SMC4: variants seen among roughly 807,000 people sequenced by gnomAD.
SMC4 encodes the protein structural maintenance of chromosomes 4, also known as structural maintenance of chromosomes protein 4.
In SMC4, 87 loss-of-function variants were observed where a neutral mutation model predicts 145.6. The ratio of observed to expected loss-of-function variants is 0.60; its 90% CI spans 0.50 to 0.71. The LOEUF is 0.71. Ranked by LOEUF, SMC4 falls within the 30% of genes least tolerant of loss-of-function variation. SMC4 has a pLI of 0.00. For synonymous variants in SMC4, 558 were observed against 500.7 expected (o/e 1.11, Z -1.53); for missense variants, 1,447 against 1,537.1 (o/e 0.94, Z 0.98).
chr3:160,402,237 T>TCA lies in SMC4; in HGVS notation c.318+160_318+161dup, dbSNP rs3830324. 2,368 of 435,262 alleles carry TCA rather than the reference T, an allele frequency of 5.4e-3. 5 individuals are homozygous for TCA. Among genetic ancestry groups the TCA allele is most frequent in the East Asian group, 0.024 (623 of 26,136 alleles). The allele number at this position is 435,262 out of a possible 1,614,324, so 27.0% of individuals were successfully genotyped here. On this transcript the variant is annotated intron_variant, in intron 3 of 23. Coordinates refer to ENST00000357388, the MANE Select transcript of SMC4 (RefSeq NM_001002800.3). ...CTGATAGTCTTTCTGTCTCTCTCTCTCACACACACACACACACGTTTCATA... is the reference window on the plus strand; with the variant it reads ...CTGATAGTCTTTCTGTCTCTCTCTCTCACACACACACACACACACGTTTCATA...
chr3:160,432,885 CAG>C (rs1291420205), intron 22 of SMC4, 139 bp from the exon 23 acceptor site: 6 of 630,506 alleles, frequency 9.5e-6, no homozygotes, highest in African/African-American at 7.3e-5. Context: ...TATAAAATAA[CAG>C]AAAAGAGAAT....
intron 10 of SMC4, 182 bp from the exon 11 acceptor site, chr3:160,417,541 T>G: frequency 6.7e-6 from 4 of 594,518 alleles, no homozygotes; most frequent in Non-Finnish European, 1.2e-5. Flanking sequence ...AAAGACTATG[T>G]ACAGTGAATA....
In SMC4 at chr3:160,416,356, T is replaced by A. The variant is rs1379595385; in HGVS notation, c.1378T>A (p.Leu460Ile). The A allele has an allele frequency of 1.7e-5, 27 of 1,597,654 alleles. No homozygotes were observed. Among genetic ancestry groups the A allele is most frequent in the Middle Eastern group, 1.7e-4 (1 of 5,902 alleles). ...GGAAAAAGAGAAAGAAGAAAAAAAA[T>A]TAAAGGAAGTTATGGATAGCCTTAA... Reference protein sequence around the residue: ...EKEKEKEEKKLKEVMDSLKQE... With the variant: ...EKEKEKEEKKIKEVMDSLKQE... The change falls in exon 10 of 24, where the codon TTA becomes ATA. Residue 460 changes from leucine (L) to isoleucine (I), a missense_variant. Transcript: ENST00000357388.
Position 160,419,374 on chromosome 3 carries a change from A to G in SMC4, c.1688A>G (p.Gln563Arg). The change falls in exon 12 of 24, where the codon CAA becomes CGA. Residue 563 changes from glutamine to arginine, a missense_variant. Coordinates refer to ENST00000357388, the MANE Select transcript of SMC4 (RefSeq NM_001002800.3). ...QELKEKEKEL[Q>R]KLTQEETNFK... ...CACTTTTAGAAAGAAAAAGAACTTC[A>G]AAAACTTACACAAGAAGAAACAAAC... The G allele has an allele frequency of 6.3e-7, 1 of 1,588,352 alleles. No individual in the cohort carries two copies. Among genetic ancestry groups the G allele is most frequent in the Non-Finnish European group, 8.5e-7 (1 of 1,173,202 alleles).
intron 13 of SMC4, among the ~76,000 whole-genome samples, chr3:160,421,907 C>T (rs899683090): frequency 6.6e-6 from 1 of 152,178 alleles, no homozygotes; most frequent in African/African-American, 2.4e-5. Context: ...TCACCCCCTC[C>T]GTAACACTAA....
At chr3:160,403,741 A>G (rs1007631758) in intron 4 of SMC4, among the ~76,000 whole-genome samples, 7 of 152,116 alleles carry the variant, frequency 4.6e-5, no homozygotes, top group African/African-American at 9.7e-5. Context: ...CTTCAGTATG[A>G]CAGAACTTTT....
At chr3:160,419,172 T>C (rs1716903273) in intron 11 of SMC4, among the ~76,000 whole-genome samples, 186 bp from the exon 12 acceptor site, 1 of 152,202 alleles carries the variant, frequency 6.6e-6, no homozygotes, top group Non-Finnish European at 1.5e-5. Flanking sequence ...TATGCCCCTT[T>C]TAAACCCATC....
At chr3:160,409,575 A>G (rs1715755531) in intron 5 of SMC4, among the ~76,000 whole-genome samples, 1 of 152,216 alleles carries the variant, frequency 6.6e-6, no homozygotes, top group African/African-American at 2.4e-5. Flanking sequence ...TAAACACTGA[A>G]TCCCAACTTT....
rs146480633 is a variant in SMC4, at chr3:160,400,524, A to G, written c.-5-298A>G. 1,062 of 325,736 alleles carry G rather than the reference A, an allele frequency of 3.3e-3. 10 individuals carry two copies. The highest frequency in any genetic ancestry group is 3.6e-3 in the Non-Finnish European group (636 of 178,818). 20.2% of individuals were successfully genotyped at this position (325,736 alleles called of 1,614,324 possible). ...TTAGCGAATATTATACGCTTATACT[A>G]TGGGCGGACGGGTGGAGAGCCTTAA... On this transcript the variant is annotated intron_variant, in intron 1 of 23. Coordinates refer to ENST00000357388, the MANE Select transcript of SMC4 (RefSeq NM_001002800.3).
chr3:160,411,716 C>T, intron 5 of SMC4: 1 of 420,210 alleles, frequency 2.4e-6, no homozygotes, highest in Non-Finnish European at 4.2e-6. Context: ...TGTTTCATAT[C>T]TCCCTGTGTA....
intron 20 of SMC4, 66 bp downstream of exon 20, chr3:160,431,271 G>T: frequency 7.3e-7 from 1 of 1,363,468 alleles, no homozygotes; most frequent in Non-Finnish European, 9.8e-7. Flanking sequence ...GTTTGGGGAG[G>T]ATTGTTTTAG....
In SMC4 at chr3:160,419,511, TC is replaced by T. The variant is rs1285368099; in HGVS notation, c.1826del (p.Ser609LeufsTer14). Reference sequence around the variant, plus strand: ...TGATGCAATAATTCAAGAAAAAAAATCTGGCAGGATTCCAGGAATATATGGA... The same window carrying T: ...TGATGCAATAATTCAAGAAAAAAAATTGGCAGGATTCCAGGAATATATGGA... ...VLDAIIQEKK[S>X]GRIPGIYGRL... On this transcript the variant is annotated frameshift_variant, in exon 12 of 24. Coordinates refer to ENST00000357388, the MANE Select transcript of SMC4 (RefSeq NM_001002800.3). LOFTEE classifies it high-confidence loss of function. The T allele has an allele frequency of 1.9e-6, 3 of 1,603,910 alleles. No individual in the cohort carries two copies. In the African/African-American group the frequency reaches 4.1e-5, roughly 22 times the overall value.
At position 160,411,470 on chromosome 3, in the gene SMC4, A is replaced by G. The variant is rs150464335; in HGVS notation, c.688-450A>G. On this transcript the variant is annotated intron_variant, in intron 5 of 23. Coordinates refer to ENST00000357388, the MANE Select transcript of SMC4 (RefSeq NM_001002800.3). Reference sequence around the variant, plus strand: ...ACAGGGTTCCTAACACAGTTTAACCATGCAAGTGTTTTTGAAAATTCTTTG... The same window carrying G: ...ACAGGGTTCCTAACACAGTTTAACCGTGCAAGTGTTTTTGAAAATTCTTTG... Among the ~76,000 whole-genome samples the G allele has an allele frequency of 7.1e-3, 1,077 of 152,314 alleles. 26 individuals are homozygous for G. The highest frequency in any genetic ancestry group is 0.046 in the Admixed American group (706 of 15,300).
In SMC4 at chr3:160,416,232, A is replaced by G. The variant is rs1716564371; in HGVS notation, c.1273-19A>G. On this transcript the variant is annotated intron_variant, in intron 9 of 23. Coordinates refer to ENST00000357388, the MANE Select transcript of SMC4 (RefSeq NM_001002800.3). The stretch of plus-strand genomic sequence containing the variant: ...TAACATAAAGATGTATGCTCCTATA[A>G]CTTGTTTTATAATCTCAGGTTGAAG... The G allele has an allele frequency of 1.9e-6, 3 of 1,549,546 alleles. No homozygotes were observed. Among genetic ancestry groups the G allele is most frequent in the Non-Finnish European group, 2.6e-6 (3 of 1,147,116 alleles).
chr3:160,420,355 CAAAG>C (rs1416844389), intron 12 of SMC4, among the ~76,000 whole-genome samples: 5 of 152,190 alleles, frequency 3.3e-5, no homozygotes, highest in Admixed American at 6.5e-5. Context: ...CATTTGCTCT[CAAAG>C]AAAGCCCAAA....
At chr3:160,413,326 G>A (rs1222746333) in intron 7 of SMC4, 147 bp from the exon 8 acceptor site, 1 of 729,100 alleles carries the variant, frequency 1.4e-6, no homozygotes, top group Non-Finnish European at 2.1e-6. Flanking sequence ...CTTGACCCAG[G>A]GGGATTTTCC....
rs1044345462 is a variant in SMC4 at position 160,416,539 on chromosome 3, T to G, written c.1437+124T>G. The G allele has an allele frequency of 5.5e-6, 3 of 550,058 alleles. No homozygotes were observed. In the Admixed American group the frequency reaches 1.1e-4, roughly 19 times the overall value. 34.1% of individuals were successfully genotyped at this position (550,058 alleles called of 1,614,324 possible). On this transcript the variant is annotated intron_variant, in intron 10 of 23. Transcript: ENST00000357388. Reference sequence around the variant, plus strand: ...TTGGACTTTTAATGTCCAACATTCCTAAAACTAGTCAACCTAGACTTAGAT... The same window carrying G: ...TTGGACTTTTAATGTCCAACATTCCGAAAACTAGTCAACCTAGACTTAGAT...
Position 160,402,079 on chromosome 3 carries a change from G to T in SMC4, c.304G>T (p.Gly102Ter). ...FKSYAGEKIL[G>*]PFHKRFSCII... Reference sequence around the variant, plus strand: ...ATCCTATGCTGGGGAGAAAATTCTGGGACCTTTCCATAAGGTATTTGTATG... The same window carrying T: ...ATCCTATGCTGGGGAGAAAATTCTGTGACCTTTCCATAAGGTATTTGTATG... The change falls in exon 3 of 24, where the codon GGA becomes TGA. Residue 102 changes from glycine (G) to a stop codon, truncating the protein, a stop_gained. Coordinates refer to ENST00000357388, the MANE Select transcript of SMC4 (RefSeq NM_001002800.3). LOFTEE classifies it high-confidence loss of function. 1 of 1,540,552 alleles carries T rather than the reference G, an allele frequency of 6.5e-7. No individual in the cohort carries two copies. Among genetic ancestry groups the T allele is most frequent in the Non-Finnish European group, 8.7e-7 (1 of 1,152,514 alleles).
chr3:160,426,035 G>GT, intron 16 of SMC4, 39 bp from the exon 17 acceptor site: 1 of 1,486,304 alleles, frequency 6.7e-7, no homozygotes, highest in African/African-American at 1.4e-5. Context: ...TAAAGCAAAT[G>GT]TTAAAATATT....
Sources: gnomAD v4.1 joint callset for allele counts (sites outside exome capture counted in the v4.1 genomes callset) on GRCh38, gnomAD v4.1.1 for gene constraint, MANE v1.5 for transcripts, NCBI Gene and HGNC (gene_info 2026-07-23, HGNC 2026-07-21) for gene names.